PARD3: variants seen among roughly 807,000 people sequenced by gnomAD.
PARD3 encodes the protein partitioning defective 3 homolog.
PARD3 carries 75 observed loss-of-function variants against 155.4 expected under a neutral mutation model. The observed-to-expected ratio is 0.48, with a 90% confidence interval of 0.40 to 0.58. The LOEUF (loss-of-function observed/expected upper bound fraction) is 0.58. Among genes scored for constraint, PARD3 ranks in the 20% least tolerant of loss-of-function variants. The pLI is 0.00. For synonymous variants in PARD3, 576 were observed against 610.5 expected, an observed-to-expected ratio of 0.94 and a Z score of 0.83; for missense variants, 1,642 against 1,721.7, an observed-to-expected ratio of 0.95 and a Z score of 0.82.
At chr10:34,305,701 G>A (rs1258616419) in intron 20 of PARD3, among the ~76,000 whole-genome samples, 1 of 152,170 alleles carries the variant, frequency 6.6e-6, no homozygotes, top group African/African-American at 2.4e-5. Flanking sequence ...AATCATGGCT[G>A]GGCACAGTGG....
At chr10:34,241,194 A>C (rs1365660647) in intron 22 of PARD3, among the ~76,000 whole-genome samples, 1 of 152,220 alleles carries the variant, frequency 6.6e-6, no homozygotes. Flanking sequence ...ACAGGACATC[A>C]GGTAGACCAT....
chr10:34,252,416 T>G (rs1015026231), intron 22 of PARD3, among the ~76,000 whole-genome samples: 1 of 152,158 alleles, frequency 6.6e-6, no homozygotes, highest in African/African-American at 2.4e-5. Context: ...CCTTCCCCGT[T>G]GCTCTCCTTG....
intron 22 of PARD3, among the ~76,000 whole-genome samples, chr10:34,229,127 A>G (rs894845576): frequency 1.3e-5 from 2 of 152,072 alleles, no homozygotes; most frequent in African/African-American, 4.8e-5. Flanking sequence ...CGCCTAGCCA[A>G]TGGGATCACC....
intron 3 of PARD3, among the ~76,000 whole-genome samples, chr10:34,485,150 C>T (rs559610695): frequency 2.6e-5 from 4 of 152,216 alleles, no homozygotes; most frequent in African/African-American, 9.6e-5. Context: ...CCAGTGTGAC[C>T]AACATGGTGC....
chr10:34,726,525 G>A (rs1307112777), intron 1 of PARD3, among the ~76,000 whole-genome samples: 1 of 152,196 alleles, frequency 6.6e-6, no homozygotes, highest in African/African-American at 2.4e-5. Flanking sequence ...AGAGGTTGCA[G>A]TGAGCCAAGA....
intron 20 of PARD3, among the ~76,000 whole-genome samples, chr10:34,313,794 G>A (rs913243511): frequency 3.3e-5 from 5 of 152,140 alleles, no homozygotes; most frequent in Non-Finnish European, 4.4e-5. Flanking sequence ...GGACAGGATG[G>A]TAGAGGGAGG....
intron 3 of PARD3, among the ~76,000 whole-genome samples, chr10:34,494,254 T>C (rs2080122162): frequency 6.6e-6 from 1 of 152,138 alleles, no homozygotes; most frequent in African/African-American, 2.4e-5. Context: ...AAGAGAAGTT[T>C]TACCAGACAA....
At chr10:34,309,754 C>A (rs552045654) in intron 20 of PARD3, among the ~76,000 whole-genome samples, 2 of 106,204 alleles carry the variant, frequency 1.9e-5, no homozygotes, top group East Asian at 3.5e-4. Context: ...TCCCCCACCC[C>A]CCCGCCCCCC....
chr10:34,514,427 T>C (rs561720156), intron 3 of PARD3, among the ~76,000 whole-genome samples: 2 of 152,334 alleles, frequency 1.3e-5, no homozygotes, highest in South Asian at 4.1e-4. Flanking sequence ...ATGGCCAGTA[T>C]GGACAAATTC....
chr10:34,203,930 CAAAG>C (rs990099552), intron 22 of PARD3, among the ~76,000 whole-genome samples: 2 of 152,172 alleles, frequency 1.3e-5, no homozygotes, highest in African/African-American at 4.8e-5. Flanking sequence ...TAATGTCTTT[CAAAG>C]AAGGTTCTAA....
intron 3 of PARD3, among the ~76,000 whole-genome samples, chr10:34,478,256 C>T (rs2078842253): frequency 6.6e-6 from 1 of 152,152 alleles, no homozygotes; most frequent in Admixed American, 6.5e-5. Context: ...GTGCAATGAG[C>T]ACCACAAACA....
intron 22 of PARD3, among the ~76,000 whole-genome samples, chr10:34,179,860 G>A (rs552522503): frequency 6.6e-6 from 1 of 152,216 alleles, no homozygotes; most frequent in Non-Finnish European, 1.5e-5. Flanking sequence ...AGGAGAAAGG[G>A]CACATGTGCA....
At chr10:34,236,331 C>T (rs1203731847) in intron 22 of PARD3, among the ~76,000 whole-genome samples, 2 of 152,110 alleles carry the variant, frequency 1.3e-5, no homozygotes, top group African/African-American at 4.8e-5. Flanking sequence ...ATTTCCCACT[C>T]TTATTCCATT....
intron 2 of PARD3, among the ~76,000 whole-genome samples, chr10:34,617,357 T>G (rs973444363): frequency 1.3e-5 from 2 of 152,134 alleles, no homozygotes; most frequent in Non-Finnish European, 1.5e-5. Flanking sequence ...AGGAAGAGAT[T>G]GGTTAACAGA....
intron 2 of PARD3, among the ~76,000 whole-genome samples, chr10:34,522,376 C>T (rs2082202007): frequency 6.6e-6 from 1 of 152,094 alleles, no homozygotes; most frequent in Non-Finnish European, 1.5e-5. Flanking sequence ...CATTCTGACC[C>T]ATGTCAGCCT....
chr10:34,695,856 A>T (rs1590694633), intron 2 of PARD3, among the ~76,000 whole-genome samples: 1 of 152,182 alleles, frequency 6.6e-6, no homozygotes, highest in East Asian at 1.9e-4. Context: ...GCTGCCTGGG[A>T]CACACTCGCC....
chr10:34,222,186 T>G (rs1271877943), intron 22 of PARD3, among the ~76,000 whole-genome samples: 3 of 152,206 alleles, frequency 2.0e-5, no homozygotes, highest in African/African-American at 7.2e-5. Context: ...AAACATGCCT[T>G]TTATTTTAAT....
chr10:34,258,260 G>T (rs958674415), intron 22 of PARD3, among the ~76,000 whole-genome samples: 2 of 152,212 alleles, frequency 1.3e-5, no homozygotes, highest in Non-Finnish European at 2.9e-5. Flanking sequence ...ATACGGACTT[G>T]TGGAGAACAA....
At chr10:34,626,498 G>C (rs2091986752) in intron 2 of PARD3, among the ~76,000 whole-genome samples, 1 of 152,166 alleles carries the variant, frequency 6.6e-6, no homozygotes, top group Admixed American at 6.5e-5. Context: ...GGAAGACAAA[G>C]AGAACAAACA....
Sources: gnomAD v4.1 joint callset for allele counts (sites outside exome capture counted in the v4.1 genomes callset) on GRCh38, gnomAD v4.1.1 for gene constraint, MANE v1.5 for transcripts, NCBI Gene and HGNC (gene_info 2026-07-23, HGNC 2026-07-21) for gene names.